The following CPA5 variants were observed in gnomAD, a reference collection of about 807,000 sequenced individuals.
The protein encoded by CPA5 is testicular tissue protein Li 32.
In CPA5, 38 loss-of-function variants were observed where a neutral mutation model predicts 52.2. The observed-to-expected ratio is 0.73, with a 90% CI of 0.56 to 0.95. The LOEUF is 0.95. Ranked by LOEUF, CPA5 falls within the 40% of genes least tolerant of loss-of-function variation. CPA5 has a pLI of 0.00. For synonymous variants in CPA5, 198 were observed against 213.7 expected (o/e 0.93, Z 0.64); for missense variants, 519 against 566.7 (o/e 0.92, Z 0.86).
intron 10 of CPA5, among the ~76,000 whole-genome samples, chr7:130,364,963 G>A (rs1332292239): frequency 6.6e-6 from 1 of 152,224 alleles, no homozygotes; most frequent in Non-Finnish European, 1.5e-5. Context: ...CCCAGACATG[G>A]CATCTGCACT....
chr7:130,369,173 C>A (rs991036885), downstream of CPA5, among the ~76,000 whole-genome samples: 1 of 152,158 alleles, frequency 6.6e-6, no homozygotes, highest in South Asian at 2.1e-4. Flanking sequence ...CTGCTCCCCC[C>A]GAGGTGTCCT....
intron 8 of CPA5, 30 bp from the exon 9 acceptor site, chr7:130,362,854 C>T (rs1441902788): frequency 3.5e-6 from 5 of 1,430,936 alleles, no homozygotes; most frequent in Non-Finnish European, 4.9e-6. Context: ...CCCAGTAGGG[C>T]CTCCCATCCC....
intron 9 of CPA5, 22 bp from the exon 10 acceptor site, chr7:130,363,397 C>T: frequency 1.3e-6 from 2 of 1,553,722 alleles, no homozygotes; most frequent in Non-Finnish European, 1.7e-6. Flanking sequence ...TGAATGAGGT[C>T]ACCTGTCCTG....
Position 130,347,746 on chromosome 7 carries a change from C to T in CPA5, c.117-20C>T. The T allele has an allele frequency of 6.2e-7, 1 of 1,604,598 alleles. No homozygotes were observed. Among genetic ancestry groups the T allele is most frequent in the Non-Finnish European group, 8.5e-7 (1 of 1,171,448 alleles). On this transcript the variant is annotated intron_variant, in intron 3 of 12. Coordinates refer to ENST00000474905, the MANE Select transcript of CPA5 (RefSeq NM_080385.5). Reference sequence around the variant, plus strand: ...GATCCTTCTCCGCAGCTTCCTCCGCCCCTCCCTGTGTTTTTCTAGGGACCA... The same window carrying T: ...GATCCTTCTCCGCAGCTTCCTCCGCTCCTCCCTGTGTTTTTCTAGGGACCA...
chr7:130,359,697 G>C lies in CPA5; in HGVS notation c.432+10G>C. ...CCACACCCTGGAGGAGGTAGGTCTGGCCGGGCAAGCTCTGGGCTCTCTTGT... is the reference window on the plus strand; with the variant it reads ...CCACACCCTGGAGGAGGTAGGTCTGCCCGGGCAAGCTCTGGGCTCTCTTGT... On this transcript the variant is annotated intron_variant, in intron 6 of 12. Transcript: ENST00000474905. The C allele has an allele frequency of 1.3e-6, 2 of 1,565,354 alleles. No homozygotes were observed. The highest frequency in any genetic ancestry group is 1.7e-6 in the Non-Finnish European group (2 of 1,152,010).
At chr7:130,359,709 C>A in intron 6 of CPA5, 22 bp downstream of exon 6, 1 of 1,535,916 alleles carries the variant, frequency 6.5e-7, no homozygotes, top group South Asian at 1.2e-5. Context: ...CGGGCAAGCT[C>A]TGGGCTCTCT....
At chr7:130,368,317 C>T (rs1318116333) in intron 12 of CPA5, 93 bp from the exon 13 acceptor site, 19 of 1,315,628 alleles carry the variant, frequency 1.4e-5, no homozygotes, top group Admixed American at 1.2e-4. Flanking sequence ...GTTTGGCTCC[C>T]AGGGCTCACT....
chr7:130,368,996 A>C (rs1796252180), downstream of CPA5, among the ~76,000 whole-genome samples: 1 of 152,166 alleles, frequency 6.6e-6, no homozygotes. Flanking sequence ...GCTCTAAAAG[A>C]GCATTTCTGA....
At chr7:130,358,323 C>T (rs781838675) in intron 5 of CPA5, among the ~76,000 whole-genome samples, 12 of 152,038 alleles carry the variant, frequency 7.9e-5, no homozygotes, top group Non-Finnish European at 1.6e-4. Context: ...TACTGTTGGC[C>T]TTTAGTTTTG....
In CPA5 at chr7:130,362,665, T is replaced by A. The variant is rs782431535; in HGVS notation, c.636+126T>A. On this transcript the variant is annotated intron_variant, in intron 8 of 12. Transcript: ENST00000474905. The stretch of plus-strand genomic sequence containing the variant: ...AGGGTGCTGTCTCCATCCCGCCCTT[T>A]GGAGCAGCCACCGTGCACTCTTACC... The A allele has an allele frequency of 1.7e-4, 123 of 704,290 alleles. 4 individuals carry two copies. In the Middle Eastern group the frequency reaches 3.4e-3, roughly 20 times the overall value. 43.6% of individuals were successfully genotyped at this position (704,290 alleles called of 1,614,324 possible). A position where few individuals can be genotyped will look rare whatever the true frequency, so the allele number is the denominator to read the frequency against.
intron 10 of CPA5, among the ~76,000 whole-genome samples, chr7:130,367,079 T>A (rs1554408588): frequency 6.6e-6 from 1 of 152,324 alleles, no homozygotes; most frequent in South Asian, 2.1e-4. Context: ...GGCGGCTTTC[T>A]TCCGCAGTGA....
chr7:130,350,138 C>T (rs1554403578), intron 5 of CPA5, 29 bp downstream of exon 5: 5 of 1,593,100 alleles, frequency 3.1e-6, no homozygotes, highest in Admixed American at 1.7e-5. Flanking sequence ...TGGGACCCTG[C>T]CTTCCGCCTT....
At chr7:130,351,967 G>A (rs1333847899) in intron 5 of CPA5, among the ~76,000 whole-genome samples, 1 of 152,076 alleles carries the variant, frequency 6.6e-6, no homozygotes, top group Non-Finnish European at 1.5e-5. Flanking sequence ...CCTCAGCCAA[G>A]GTTCAGCTCC....
chr7:130,369,413 T>C (rs1796265329), downstream of CPA5, among the ~76,000 whole-genome samples: 1 of 152,240 alleles, frequency 6.6e-6, no homozygotes, highest in South Asian at 2.1e-4. Context: ...TTGTACCTTT[T>C]GCCTCTTCAT....
chr7:130,356,473 G>A (rs1361360187), intron 5 of CPA5, among the ~76,000 whole-genome samples: 6 of 152,148 alleles, frequency 3.9e-5, no homozygotes, highest in African/African-American at 1.4e-4. Flanking sequence ...GCATTCTTCC[G>A]TCACCCATCC....
rs550222018 is a variant in CPA5, at chr7:130,344,947, C to T, written c.-410C>T. On this transcript the variant is annotated 5_prime_UTR_variant, in exon 1 of 13. The change creates a new upstream start codon in the 5' untranslated region. Transcript: ENST00000474905. ...AAAATGATGTTTTTGAACAAGAAGA[C>T]GCCCCATGGGTACTTTTGGTGACTA... 2 of 152,308 alleles carry T rather than the reference C, an allele frequency of 1.3e-5. No individual in the cohort carries two copies. Among genetic ancestry groups the T allele is most frequent in the South Asian group, 2.1e-4 (1 of 4,830 alleles). The allele number at this position is 152,308 out of a possible 1,614,324, so 9.4% of individuals were successfully genotyped here.
chr7:130,368,063 A>T, intron 12 of CPA5, 73 bp downstream of exon 12: 1 of 1,382,234 alleles, frequency 7.2e-7, no homozygotes, highest in Non-Finnish European at 1.0e-6. Flanking sequence ...AGTGCCAAGG[A>T]TCTAGCTGTG....
chr7:130,368,308 T>A, intron 12 of CPA5, 102 bp from the exon 13 acceptor site: 1 of 1,194,430 alleles, frequency 8.4e-7, no homozygotes. Flanking sequence ...TGGGTGGGGG[T>A]TTGGCTCCCA....
intron 3 of CPA5, 86 bp downstream of exon 3, chr7:130,346,687 GC>G (rs1284277280): frequency 6.7e-6 from 7 of 1,040,322 alleles, no homozygotes; most frequent in Non-Finnish European, 1.0e-5. Context: ...CCCTGCTGGT[GC>G]CTGATCAAGG....
Sources: gnomAD v4.1 joint callset for allele counts (sites outside exome capture counted in the v4.1 genomes callset) on GRCh38, gnomAD v4.1.1 for gene constraint, MANE v1.5 for transcripts, NCBI Gene and HGNC (gene_info 2026-07-23, HGNC 2026-07-21) for gene names.